Variants in EFNA5 observed in about 807,000 individuals in gnomAD.
The protein encoded by EFNA5 is ephrin A5.
EFNA5 carries 5 observed loss-of-function variants against 22.9 expected under a neutral mutation model. The ratio of observed to expected loss-of-function variants is 0.22; its 90% CI spans 0.11 to 0.46. The LOEUF is 0.46. Among genes scored for constraint, EFNA5 ranks in the 20% least tolerant of loss-of-function variants. The pLI is 0.99. For missense variants in EFNA5, 237 were observed against 293.3 expected, an observed-to-expected ratio of 0.81 and a Z score of 1.40; for synonymous variants, 113 against 112.2, an observed-to-expected ratio of 1.01 and a Z score of -0.04.
intron 1 of EFNA5, among the ~76,000 whole-genome samples, chr5:107,596,060 A>G (rs914654810): frequency 6.6e-6 from 1 of 152,320 alleles, no homozygotes; most frequent in African/African-American, 2.4e-5. Flanking sequence ...ATAAAATTCA[A>G]TGGGAAGCAG....
At chr5:107,571,002 T>A (rs1046072185) in intron 1 of EFNA5, among the ~76,000 whole-genome samples, 2 of 152,140 alleles carry the variant, frequency 1.3e-5, no homozygotes, top group African/African-American at 4.8e-5. Flanking sequence ...CCCTGGGGGG[T>A]ACCTGTTGCA....
chr5:107,477,755 C>A (rs2112394748), intron 1 of EFNA5, among the ~76,000 whole-genome samples: 1 of 152,174 alleles, frequency 6.6e-6, no homozygotes, highest in Admixed American at 6.5e-5. Flanking sequence ...TAATCTAGGC[C>A]ACAATATATT....
In EFNA5 at chr5:107,670,693, G is replaced by A. The variant is rs1205325550; in HGVS notation, c.-80C>T. ...ATCCGGAGGGAGGGAGGCAGGCAAA[G>A]GGACAGAGAGAGAGCGGGCGCCAAA... On this transcript the variant is annotated 5_prime_UTR_variant, in exon 1 of 5. Coordinates refer to ENST00000333274, the MANE Select transcript of EFNA5 (RefSeq NM_001962.3). 2 of 1,534,774 alleles carry A rather than the reference G, an allele frequency of 1.3e-6. No individual in the cohort carries two copies. The highest frequency in any genetic ancestry group is 4.9e-5 in the East Asian group (2 of 40,604).
At chr5:107,408,834 CCT>C (rs1432006723) in intron 2 of EFNA5, among the ~76,000 whole-genome samples, 1 of 152,132 alleles carries the variant, frequency 6.6e-6, no homozygotes, top group African/African-American at 2.4e-5. Context: ...TCCTTGTGCC[CCT>C]GTGTCTACAA....
At chr5:107,649,443 G>A (rs574804022) in intron 1 of EFNA5, among the ~76,000 whole-genome samples, 9 of 152,148 alleles carry the variant, frequency 5.9e-5, no homozygotes, top group Non-Finnish European at 8.8e-5. Context: ...TAGGCTAATC[G>A]TCAAATGACT....
intron 1 of EFNA5, among the ~76,000 whole-genome samples, chr5:107,594,918 T>C (rs1257804037): frequency 6.6e-6 from 1 of 152,242 alleles, no homozygotes; most frequent in Non-Finnish European, 1.5e-5. Context: ...GCAGACCTTC[T>C]GGCCAAAACA....
intron 2 of EFNA5, among the ~76,000 whole-genome samples, chr5:107,410,172 C>T (rs962675357): frequency 6.6e-6 from 1 of 151,912 alleles, no homozygotes; most frequent in Admixed American, 6.6e-5. Flanking sequence ...GGACTACAGG[C>T]ACCCGCCACC....
chr5:107,431,026 G>T (rs976230211), intron 1 of EFNA5, among the ~76,000 whole-genome samples: 1 of 151,974 alleles, frequency 6.6e-6, no homozygotes, highest in Non-Finnish European at 1.5e-5. Flanking sequence ...TGCCCAGCTC[G>T]GCCTCCCGAA....
intron 1 of EFNA5, among the ~76,000 whole-genome samples, chr5:107,465,003 C>A (rs1207872660): frequency 1.3e-5 from 2 of 151,920 alleles, no homozygotes; most frequent in African/African-American, 4.8e-5. Flanking sequence ...ACTGAGCTCA[C>A]CGAGGAAGCA....
Position 107,617,886 on chromosome 5 carries a change from C to T in EFNA5, c.125+52603G>A, listed in dbSNP as rs550689231. Among the ~76,000 whole-genome samples, 9 of 152,214 alleles carry T rather than the reference C, an allele frequency of 5.9e-5. No homozygotes were observed. The South Asian group carries it at 1.9e-3, about 32-fold the overall frequency. ...CAAAAATCATGCACTTCAAGCTGGGCACAGTGGTGTGTACCTACTATAACA... is the reference window on the plus strand; with the variant it reads ...CAAAAATCATGCACTTCAAGCTGGGTACAGTGGTGTGTACCTACTATAACA... On this transcript the variant is annotated intron_variant, in intron 1 of 4. Transcript: ENST00000333274.
At chr5:107,574,384 A>C (rs1302590976) in intron 1 of EFNA5, among the ~76,000 whole-genome samples, 1 of 152,180 alleles carries the variant, frequency 6.6e-6, no homozygotes, top group African/African-American at 2.4e-5. Context: ...TCATTCAATA[A>C]GCTCTGACTG....
In EFNA5 at chr5:107,569,529, ATT is replaced by A. The variant is rs1449483053; in HGVS notation, c.125+100958_125+100959del. Among the ~76,000 whole-genome samples the A allele has an allele frequency of 5.6e-4, 74 of 133,040 alleles. 1 individual carries two copies. The highest frequency in any genetic ancestry group is 2.0e-3 in the African/African-American group (69 of 34,906). The allele number at this position is 133,040 out of a possible 152,430, so 87.3% of individuals were successfully genotyped here. A position where few individuals can be genotyped will look rare whatever the true frequency, so the allele number is the denominator to read the frequency against. Reference sequence around the variant, plus strand: ...TATATTTATATATGTGTGTATATATATTTATATATATATGTGTGTATATATAT... The same window carrying A: ...TATATTTATATATGTGTGTATATATATATATATATATGTGTGTATATATAT... On this transcript the variant is annotated intron_variant, in intron 1 of 4. Transcript: ENST00000333274.
At chr5:107,572,161 C>T (rs1205148352) in intron 1 of EFNA5, among the ~76,000 whole-genome samples, 1 of 151,996 alleles carries the variant, frequency 6.6e-6, no homozygotes, top group Non-Finnish European at 1.5e-5. Flanking sequence ...ACTCTGGCAC[C>T]GAGAAACCTG....
chr5:107,425,773 CTTA>C (rs1004234636), intron 2 of EFNA5, among the ~76,000 whole-genome samples: 1 of 152,092 alleles, frequency 6.6e-6, no homozygotes, highest in African/African-American at 2.4e-5. Context: ...TGAAATCTGA[CTTA>C]TTATAAAATT....
intron 1 of EFNA5, among the ~76,000 whole-genome samples, chr5:107,464,968 T>A (rs1749933336): frequency 6.6e-6 from 1 of 152,076 alleles, no homozygotes; most frequent in African/African-American, 2.4e-5. Context: ...CTTTTCTCTC[T>A]CTCTTTTTTG....
At chr5:107,554,767 T>C (rs1177586642) in intron 1 of EFNA5, among the ~76,000 whole-genome samples, 2 of 152,328 alleles carry the variant, frequency 1.3e-5, no homozygotes, top group East Asian at 1.9e-4. Context: ...CTATTTTCTA[T>C]ACTTTGCAGA....
intron 1 of EFNA5, among the ~76,000 whole-genome samples, chr5:107,493,703 G>A (rs1746878232): frequency 6.6e-6 from 1 of 152,196 alleles, no homozygotes; most frequent in African/African-American, 2.4e-5. Context: ...GTAACTACCT[G>A]TACAAGGTTT....
At chr5:107,485,530 T>G (rs142866216) in intron 1 of EFNA5, among the ~76,000 whole-genome samples, 12 of 152,324 alleles carry the variant, frequency 7.9e-5, no homozygotes, top group Non-Finnish European at 1.5e-4. Flanking sequence ...GAATTGGTCC[T>G]TGAGAAAGAG....
At chr5:107,415,879 A>G (rs367632234) in intron 2 of EFNA5, among the ~76,000 whole-genome samples, 156 of 152,334 alleles carry the variant, frequency 1.0e-3, no homozygotes, top group African/African-American at 3.7e-3. Flanking sequence ...AGGTAAGGCA[A>G]TCCCTGGCAT....
Sources: gnomAD v4.1 joint callset for allele counts (sites outside exome capture counted in the v4.1 genomes callset) on GRCh38, gnomAD v4.1.1 for gene constraint, MANE v1.5 for transcripts, NCBI Gene and HGNC (gene_info 2026-07-23, HGNC 2026-07-21) for gene names.